Variants in NAV3 observed in about 807,000 individuals in gnomAD.
The protein encoded by NAV3 is neuron navigator 3.
In NAV3, 87 loss-of-function variants were observed where a neutral mutation model predicts 244.7. That is an observed-to-expected ratio of 0.36 (90% CI 0.30 to 0.42). The LOEUF (loss-of-function observed/expected upper bound fraction) is 0.42, where lower values mean the gene tolerates loss of function less well. Among genes scored for constraint, NAV3 ranks in the 20% least tolerant of loss-of-function variants. The probability of loss-of-function intolerance (pLI) is 1.00; values close to 1 mark genes in which losing one functional copy is unlikely to be tolerated. For synonymous variants in NAV3, 1,126 were observed against 1,042.2 expected (o/e 1.08, Z -1.55); for missense variants, 2,663 against 2,893.3 (o/e 0.92, Z 1.83).
chr12:77,632,524 C>T (rs1235183389), intron 2 of NAV3, among the ~76,000 whole-genome samples: 1 of 152,138 alleles, frequency 6.6e-6, no homozygotes, highest in African/African-American at 2.4e-5. Flanking sequence ...ACAAGAACAT[C>T]AGGGCAAAGA....
chr12:78,183,507 T>C (rs300517), intron 30 of NAV3, among the ~76,000 whole-genome samples: 80,667 of 151,792 alleles, frequency 0.53, 21,729 homozygotes, highest in East Asian at 0.79. Flanking sequence ...TTCAAGATCA[T>C]GAAACTAGTA....
chr12:77,974,580 G>A (rs949345563), intron 5 of NAV3, among the ~76,000 whole-genome samples: 2 of 152,056 alleles, frequency 1.3e-5, no homozygotes, highest in East Asian at 1.9e-4. Flanking sequence ...TTATAGGCCT[G>A]AGCCATCATT....
intron 2 of NAV3, among the ~76,000 whole-genome samples, chr12:77,716,345 G>A (rs1200576731): frequency 6.6e-6 from 1 of 151,372 alleles, no homozygotes; most frequent in Non-Finnish European, 1.5e-5. Context: ...GATATAAAAA[G>A]AATGAATAAG....
chr12:77,749,766 G>A (rs1042269298), intron 2 of NAV3, among the ~76,000 whole-genome samples: 3 of 152,206 alleles, frequency 2.0e-5, no homozygotes, highest in Non-Finnish European at 4.4e-5. Context: ...ACATCCAGCA[G>A]GTTGTGCTGC....
intron 2 of NAV3, among the ~76,000 whole-genome samples, chr12:77,602,332 A>G (rs1161091738): frequency 6.6e-6 from 1 of 152,056 alleles, no homozygotes; most frequent in Non-Finnish European, 1.5e-5. Context: ...ACTAACAGAG[A>G]TCTGAGATGG....
chr12:78,115,753 A>G (rs192489280), intron 12 of NAV3, among the ~76,000 whole-genome samples: 36 of 152,316 alleles, frequency 2.4e-4, no homozygotes, highest in African/African-American at 7.2e-4. Context: ...TGCAGTATTC[A>G]GTACAGTAAC....
intron 1 of NAV3, among the ~76,000 whole-genome samples, chr12:77,921,850 G>T (rs1887737123): frequency 6.6e-6 from 1 of 152,128 alleles, no homozygotes; most frequent in Non-Finnish European, 1.5e-5. Flanking sequence ...TCTGTGACTT[G>T]CTACTTAATG....
At chr12:77,854,308 T>C (rs779393442) in intron 1 of NAV3, among the ~76,000 whole-genome samples, 2 of 152,174 alleles carry the variant, frequency 1.3e-5, no homozygotes, top group Admixed American at 6.5e-5. Context: ...TCTATCATAT[T>C]TTTGGCAGTA....
At chr12:77,720,819 A>T (rs1434658876) in intron 2 of NAV3, among the ~76,000 whole-genome samples, 1 of 151,948 alleles carries the variant, frequency 6.6e-6, no homozygotes, top group Non-Finnish European at 1.5e-5. Flanking sequence ...TCACAAAGGG[A>T]GTGTGTCCAT....
In NAV3 at chr12:78,006,817, A is replaced by G. The variant is rs2136572062; in HGVS notation, c.1279A>G (p.Asn427Asp). The G allele has an allele frequency of 6.2e-7, 1 of 1,614,182 alleles. No homozygotes were observed. Among genetic ancestry groups the G allele is most frequent in the Non-Finnish European group, 8.5e-7 (1 of 1,180,042 alleles). Residue 427 changes from asparagine to aspartate, a missense_variant, in exon 8 of 40, where the codon AAC (asparagine) becomes GAC (aspartate). Physicochemically the swap from Asn to Asp is conservative, Grantham distance 23 (BLOSUM62 1). This residue lies in a region of NAV3 where 1,521 missense variants were observed against 1,497.0 expected (regional missense o/e 1.02). Coordinates refer to ENST00000397909, the MANE Select transcript of NAV3 (RefSeq NM_001024383.2). ...FSESGEMEGF[N>D]SGLNSGGSTN... is the part of the protein sequence containing the mutation. ...TGAATCTGGTGAAATGGAAGGTTTT[A>G]ACAGTGGTCTGAATAGTGGTGGCTC...
intron 9 of NAV3, among the ~76,000 whole-genome samples, chr12:78,047,316 T>C (rs1287682822): frequency 2.0e-5 from 3 of 151,864 alleles, no homozygotes; most frequent in Non-Finnish European, 4.4e-5. Flanking sequence ...TGAAACCCCA[T>C]CTCTACTAAA....
intron 2 of NAV3, among the ~76,000 whole-genome samples, chr12:77,695,977 A>G (rs1292331231): frequency 6.6e-6 from 1 of 152,152 alleles, no homozygotes; most frequent in East Asian, 1.9e-4. Flanking sequence ...CAAGGTATGC[A>G]AAAATCCTTT....
At chr12:77,917,921 G>C (rs904240548) in intron 1 of NAV3, among the ~76,000 whole-genome samples, 1 of 151,944 alleles carries the variant, frequency 6.6e-6, no homozygotes, top group Admixed American at 6.6e-5. Flanking sequence ...GTGACCAAAA[G>C]GATCCTTATA....
chr12:77,734,465 G>A (rs956351115), intron 2 of NAV3, among the ~76,000 whole-genome samples: 7 of 151,974 alleles, frequency 4.6e-5, no homozygotes, highest in Non-Finnish European at 7.4e-5. Context: ...ATTAATACCC[G>A]GTCTAGAATG....
intron 2 of NAV3, among the ~76,000 whole-genome samples, chr12:77,703,116 T>C (rs1195905979): frequency 6.6e-6 from 1 of 152,116 alleles, no homozygotes; most frequent in Non-Finnish European, 1.5e-5. Context: ...TCTGTCCTGC[T>C]CCACCACAAC....
At chr12:78,115,957 A>C (rs1955356695) in intron 12 of NAV3, among the ~76,000 whole-genome samples, 1 of 152,230 alleles carries the variant, frequency 6.6e-6, no homozygotes, top group Non-Finnish European at 1.5e-5. Context: ...TATGTAATAC[A>C]TGACTATATT....
At chr12:77,830,440 A>G (rs1258683548), upstream of NAV3, among the ~76,000 whole-genome samples, 1 of 152,254 alleles carries the variant, frequency 6.6e-6, no homozygotes, top group Admixed American at 6.5e-5. Context: ...CAATGATTAA[A>G]TGTGATAATG....
intron 1 of NAV3, among the ~76,000 whole-genome samples, chr12:77,904,551 A>T (rs1022559559): frequency 2.6e-5 from 4 of 152,202 alleles, no homozygotes; most frequent in Admixed American, 2.0e-4. Context: ...CTAAATGACG[A>T]GTTAATGGGT....
intron 2 of NAV3, among the ~76,000 whole-genome samples, chr12:77,675,999 A>G (rs931179145): frequency 8.6e-5 from 13 of 152,042 alleles, no homozygotes; most frequent in Non-Finnish European, 1.6e-4. Flanking sequence ...GAATTTCCAC[A>G]GTTCCTCACC....
Sources: gnomAD v4.1 joint callset for allele counts (sites outside exome capture counted in the v4.1 genomes callset) on GRCh38, gnomAD v4.1.1 for gene constraint, gnomAD v4.1.1 regional missense constraint, MANE v1.5 for transcripts, NCBI Gene and HGNC (gene_info 2026-07-23, HGNC 2026-07-21) for gene names.